The following NEK7 variants were observed in gnomAD, a reference collection of about 807,000 sequenced individuals.
The protein encoded by NEK7 is NIMA related kinase 7.
A neutral mutation model predicts 44.6 loss-of-function variants in NEK7; 18 were observed. That is an observed-to-expected ratio of 0.40 (90% CI 0.28 to 0.60). The LOEUF is 0.60. NEK7 is among the 20% of genes least tolerant of loss of function. The pLI is 0.38. For synonymous variants in NEK7, 130 were observed against 121.1 expected (o/e 1.07, Z -0.48); for missense variants, 256 against 366.5 (o/e 0.70, Z 2.46).
chr1:198,316,335 C>T (rs1655367029), intron 9 of NEK7, among the ~76,000 whole-genome samples: 1 of 152,152 alleles, frequency 6.6e-6, no homozygotes, highest in African/African-American at 2.4e-5. Context: ...GTGAAGATTA[C>T]AGTCAGGTAA....
At chr1:198,235,813 T>A (rs572026922) in intron 2 of NEK7, among the ~76,000 whole-genome samples, 7 of 152,286 alleles carry the variant, frequency 4.6e-5, no homozygotes, top group African/African-American at 1.4e-4. Flanking sequence ...TATTTTTTTT[T>A]AATTTGAAGA....
At chr1:198,194,559 C>T (rs1015597426) in intron 1 of NEK7, among the ~76,000 whole-genome samples, 1 of 150,614 alleles carries the variant, frequency 6.6e-6, no homozygotes, top group Non-Finnish European at 1.5e-5. Flanking sequence ...TAGGGGAGAA[C>T]AAGTGGTATT....
At chr1:198,165,941 G>A (rs189869037) in intron 1 of NEK7, among the ~76,000 whole-genome samples, 28 of 152,344 alleles carry the variant, frequency 1.8e-4, no homozygotes, top group Admixed American at 1.6e-3. Context: ...AGCAATTGCT[G>A]CTTCAACTTG....
chr1:198,315,288 T>C (rs1655328838), intron 9 of NEK7, among the ~76,000 whole-genome samples: 2 of 152,226 alleles, frequency 1.3e-5, no homozygotes, highest in African/African-American at 2.4e-5. Context: ...CTCGCCCTGC[T>C]TCGGCTCGCG....
At chr1:198,171,769 A>G (rs973152339) in intron 1 of NEK7, among the ~76,000 whole-genome samples, 3 of 151,884 alleles carry the variant, frequency 2.0e-5, no homozygotes, top group Non-Finnish European at 4.4e-5. Flanking sequence ...CACTGGTTGT[A>G]GTTCCCTAGT....
chr1:198,158,163 C>T (rs942892048), intron 1 of NEK7, among the ~76,000 whole-genome samples: 2 of 152,174 alleles, frequency 1.3e-5, no homozygotes, highest in Non-Finnish European at 2.9e-5. Flanking sequence ...ATCGTGTTCT[C>T]ACCTTGCTGT....
At chr1:198,315,116 A>G (rs1405415110) in intron 9 of NEK7, among the ~76,000 whole-genome samples, 7 of 152,318 alleles carry the variant, frequency 4.6e-5, no homozygotes, top group South Asian at 2.1e-4. Context: ...TCCGAGCCAG[A>G]TGCGGGATAT....
At chr1:198,177,849 G>A (rs1664650814) in intron 1 of NEK7, among the ~76,000 whole-genome samples, 1 of 151,762 alleles carries the variant, frequency 6.6e-6, no homozygotes, top group Admixed American at 6.6e-5. Flanking sequence ...CACCATTAGT[G>A]GAATTAAGAT....
At chr1:198,223,830 T>G (rs1291688354) in intron 1 of NEK7, among the ~76,000 whole-genome samples, 1 of 152,190 alleles carries the variant, frequency 6.6e-6, no homozygotes, top group Non-Finnish European at 1.5e-5. Flanking sequence ...TGTGATTTTT[T>G]TTAATGGTAT....
At chr1:198,254,490 T>A (rs1475422) in intron 3 of NEK7, among the ~76,000 whole-genome samples, 78,287 of 152,016 alleles carry the variant, frequency 0.51, 23,487 homozygotes, top group East Asian at 0.9. Flanking sequence ...TTCACATAGC[T>A]TCGTGTTTGA....
intron 1 of NEK7, among the ~76,000 whole-genome samples, chr1:198,194,239 T>C (rs924855520): frequency 6.6e-6 from 1 of 152,104 alleles, no homozygotes; most frequent in African/African-American, 2.4e-5. Flanking sequence ...TATTTTTAAG[T>C]TAAATTTAAT....
intron 2 of NEK7, among the ~76,000 whole-genome samples, chr1:198,235,641 T>C (rs868223874): frequency 1.2e-4 from 18 of 152,202 alleles, no homozygotes; most frequent in African/African-American, 2.7e-4. Flanking sequence ...TTTGTGAGTA[T>C]TTTGATTTAT....
At chr1:198,312,653 G>A (rs556833589) in intron 9 of NEK7, among the ~76,000 whole-genome samples, 4 of 151,586 alleles carry the variant, frequency 2.6e-5, no homozygotes, top group Admixed American at 2.0e-4. Flanking sequence ...TGTTCTCGTT[G>A]GTTTCAAAGA....
At chr1:198,309,845 G>A (rs1655122523) in intron 9 of NEK7, among the ~76,000 whole-genome samples, 10 of 152,112 alleles carry the variant, frequency 6.6e-5, no homozygotes, top group Admixed American at 5.9e-4. Context: ...GTCTATCATT[G>A]TTGGACATTT....
In NEK7 at chr1:198,311,418, A is replaced by T. The variant is rs530418809; in HGVS notation, c.799-7994A>T. The stretch of plus-strand genomic sequence containing the variant: ...TTTGACTTCCTCTTTTCCTAATTGA[A>T]TACCCTTTATTTCCTTCTCCTGCCT... On this transcript the variant is annotated intron_variant, in intron 9 of 9. Coordinates refer to ENST00000367385, the MANE Select transcript of NEK7 (RefSeq NM_133494.3). Among the ~76,000 whole-genome samples, 51 of 152,020 alleles carry T rather than the reference A, an allele frequency of 3.4e-4. 1 individual carries two copies. In the South Asian group the frequency reaches 0.011, roughly 32 times the overall value.
chr1:198,187,579 C>T (rs1664958649), intron 1 of NEK7, among the ~76,000 whole-genome samples: 2 of 152,108 alleles, frequency 1.3e-5, no homozygotes, highest in South Asian at 4.1e-4. Flanking sequence ...TAGCAATATC[C>T]AAGATGGCAT....
intron 1 of NEK7, among the ~76,000 whole-genome samples, chr1:198,202,747 C>G (rs1665470667): frequency 6.6e-6 from 1 of 152,178 alleles, no homozygotes; most frequent in African/African-American, 2.4e-5. Context: ...GACTTATTCA[C>G]TACCATGAGA....
At chr1:198,207,826 T>G (rs142147661) in intron 1 of NEK7, among the ~76,000 whole-genome samples, 11 of 152,294 alleles carry the variant, frequency 7.2e-5, no homozygotes, top group Non-Finnish European at 1.0e-4. Context: ...GTATATAAGT[T>G]ATACCTTAAT....
At chr1:198,235,657 T>C (rs1183260629) in intron 2 of NEK7, among the ~76,000 whole-genome samples, 2 of 152,340 alleles carry the variant, frequency 1.3e-5, no homozygotes, top group South Asian at 4.1e-4. Flanking sequence ...TTTATGGTTA[T>C]TGGGTGAAGA....
Sources: allele counts gnomAD v4.1 joint callset (sites outside exome capture counted in the v4.1 genomes callset), GRCh38; gene constraint gnomAD v4.1.1; transcripts MANE v1.5; gene names NCBI Gene and HGNC (gene_info 2026-07-23, HGNC 2026-07-21).